Variants in TOX2 observed in about 807,000 individuals in gnomAD.
TOX2 encodes the protein TOX high mobility group box family member 2, also known as granulosa cell HMG box 1.
TOX2 carries 15 observed loss-of-function variants against 47.4 expected under a neutral mutation model. The ratio of observed to expected loss-of-function variants is 0.32; its 90% CI spans 0.21 to 0.49. The LOEUF is 0.49. Among genes scored for constraint, TOX2 ranks in the 20% least tolerant of loss-of-function variants. The pLI is 0.99. For missense variants in TOX2, 622 were observed against 673.1 expected (o/e 0.92, Z 0.84); for synonymous variants, 290 against 296.6 (o/e 0.98, Z 0.23).
chr20:43,958,467 A>G (rs1343071987), intron 1 of TOX2, among the ~76,000 whole-genome samples: 1 of 152,156 alleles, frequency 6.6e-6, no homozygotes, highest in Non-Finnish European at 1.5e-5. Context: ...CTCTGGACCC[A>G]CTACCTCACA....
intron 3 of TOX2, among the ~76,000 whole-genome samples, chr20:44,023,256 C>T (rs750969595): frequency 2.0e-5 from 3 of 151,916 alleles, no homozygotes; most frequent in Non-Finnish European, 4.4e-5. Flanking sequence ...TGGTGAAACC[C>T]TGCCTCTACT....
intron 1 of TOX2, chr20:43,945,814 T>G (rs2069459398): frequency 8.0e-6 from 12 of 1,498,222 alleles, no homozygotes; most frequent in East Asian, 4.6e-5. Context: ...GGATGGGGGG[T>G]GGGGGTGCTG....
At chr20:43,949,090 T>C (rs2145376454) in intron 1 of TOX2, among the ~76,000 whole-genome samples, 1 of 152,282 alleles carries the variant, frequency 6.6e-6, no homozygotes, top group African/African-American at 2.4e-5. Flanking sequence ...TTACTCTCAA[T>C]GGCCCTTTTC....
intron 3 of TOX2, among the ~76,000 whole-genome samples, chr20:44,021,332 G>A (rs1346580973): frequency 2.0e-5 from 3 of 152,124 alleles, no homozygotes; most frequent in Non-Finnish European, 2.9e-5. Flanking sequence ...CAACTGGCCC[G>A]GGAGAACTGG....
In TOX2 at chr20:44,068,554, A is replaced by AGGGGTG; in HGVS notation, c.1485-86_1485-81dup. On this transcript the variant is annotated intron_variant, in intron 8 of 8. Coordinates refer to ENST00000341197, the MANE Select transcript of TOX2 (RefSeq NM_001098797.2). ...CAGCCACAGAGGGGCAGCTGAATCCAGGGGTGGGGGTGGGGCGTACAGTGC... is the reference window on the plus strand; with the variant it reads ...CAGCCACAGAGGGGCAGCTGAATCCAGGGGTGGGGGTGGGGGTGGGGCGTACAGTGC... 2.6e-6 allele frequency: 3 copies of AGGGGTG among 1,156,610 alleles called. No homozygotes were observed. In the South Asian group the frequency reaches 4.4e-5, roughly 17 times the overall value. The allele number at this position is 1,156,610 out of a possible 1,614,324, so 71.6% of individuals were successfully genotyped here.
intron 3 of TOX2, among the ~76,000 whole-genome samples, chr20:44,048,306 A>G (rs1388031296): frequency 6.6e-6 from 1 of 150,612 alleles, no homozygotes; most frequent in Non-Finnish European, 1.5e-5. Flanking sequence ...TTGAATGGGA[A>G]CTGATGAAAA....
Position 44,053,463 on chromosome 20 carries a change from CACACACACATATATATAT to C in TOX2, c.652-828_652-811del, listed in dbSNP as rs1452694662. Among the ~76,000 whole-genome samples, 243 of 147,868 alleles carry C rather than the reference CACACACACATATATATAT, an allele frequency of 1.6e-3. 3 individuals are homozygous for C. The highest frequency in any genetic ancestry group is 5.8e-3 in the African/African-American group (225 of 38,666). On this transcript the variant is annotated intron_variant, in intron 4 of 8. Transcript: ENST00000341197. ...ATACACACACACACACACACACACA[CACACACACATATATATAT>C]ACACACATATATATACAGACATATA...
chr20:43,988,218 G>A (rs1240562278), intron 2 of TOX2, among the ~76,000 whole-genome samples: 5 of 151,990 alleles, frequency 3.3e-5, no homozygotes, highest in African/African-American at 4.8e-5. Context: ...GCACCTGGCC[G>A]AAACATCAAC....
At chr20:43,964,103 A>T (rs895435041) in intron 1 of TOX2, among the ~76,000 whole-genome samples, 6 of 152,096 alleles carry the variant, frequency 3.9e-5, no homozygotes, top group Admixed American at 2.6e-4. Flanking sequence ...GTTTAAAAAA[A>T]AAAAAAACCA....
In TOX2 at chr20:44,054,499, G is replaced by A; in HGVS notation, c.852G>A (p.Trp284Ter). 1 of 1,614,016 alleles carries A rather than the reference G, an allele frequency of 6.2e-7. No homozygotes were observed. Among genetic ancestry groups the A allele is most frequent in the Non-Finnish European group, 8.5e-7 (1 of 1,179,984 alleles). The change falls in exon 5 of 9, where the codon TGG becomes TGA. Residue 284 changes from tryptophan to a stop codon, truncating the protein, a stop_gained. Transcript: ENST00000341197. LOFTEE classifies it high-confidence loss of function. ...GDVSKIVASMWDSLGEEQKQA... is the reference protein window; with the variant it reads ...GDVSKIVASM ...TGTCCAAAATCGTGGCCTCCATGTGGGACAGCCTGGGAGAGGAACAGAAGC... is the reference window on the plus strand; with the variant it reads ...TGTCCAAAATCGTGGCCTCCATGTGAGACAGCCTGGGAGAGGAACAGAAGC...
intron 8 of TOX2, among the ~76,000 whole-genome samples, chr20:44,067,192 C>T (rs1245686566): frequency 4.0e-5 from 6 of 151,804 alleles, no homozygotes; most frequent in African/African-American, 1.5e-4. Context: ...GAGCCTGAGG[C>T]AGCAGGGATT....
chr20:43,961,604 A>T (rs1349940499), intron 1 of TOX2, among the ~76,000 whole-genome samples: 1 of 146,784 alleles, frequency 6.8e-6, no homozygotes, highest in African/African-American at 2.5e-5. Context: ...GGAGGCCTCC[A>T]GCTGCACTGT....
chr20:43,952,853 A>AG (rs529520692), intron 1 of TOX2, among the ~76,000 whole-genome samples: 48 of 152,290 alleles, frequency 3.2e-4, no homozygotes, highest in Middle Eastern at 6.8e-3. Context: ...AAGTATAGCT[A>AG]GGTCCTAATC....
chr20:44,036,071 C>G (rs2071233883), intron 3 of TOX2, among the ~76,000 whole-genome samples: 1 of 152,216 alleles, frequency 6.6e-6, no homozygotes, highest in Non-Finnish European at 1.5e-5. Flanking sequence ...GAAGCAGCTC[C>G]ATCAGCCACA....
chr20:43,920,835 G>T (rs2069105462), intron 1 of TOX2, among the ~76,000 whole-genome samples: 2 of 152,184 alleles, frequency 1.3e-5, no homozygotes, highest in African/African-American at 2.4e-5. Context: ...ACTGTGGAGG[G>T]TGCACTGGGA....
chr20:44,020,503 T>G (rs2145647963), intron 3 of TOX2, among the ~76,000 whole-genome samples: 1 of 152,330 alleles, frequency 6.6e-6, no homozygotes, highest in South Asian at 2.1e-4. Context: ...TGGCCCCTCT[T>G]GGCCAAGGGC....
chr20:43,968,331 C>T (rs914452094), intron 1 of TOX2, among the ~76,000 whole-genome samples: 2 of 152,216 alleles, frequency 1.3e-5, no homozygotes, highest in Admixed American at 6.5e-5. Context: ...AGCAGTTAAG[C>T]AATTTGCCCA....
In TOX2 at chr20:43,915,604, AGTCACACGCG is replaced by A. The variant is rs548523248; in HGVS notation, c.99+622_99+631del. On this transcript the variant is annotated intron_variant, in intron 1 of 8. Coordinates refer to ENST00000341197, the MANE Select transcript of TOX2 (RefSeq NM_001098797.2). This position sits in a 1 kb window ranked among gnomAD's most constrained non-coding sequence, Gnocchi z 7.1. ...ACACAGATCGTCCTGACGGCCACAC[AGTCACACGCG>A]GTCACACCCAGGGACGGCCACACCT... 6.6e-6 allele frequency among the ~76,000 whole-genome samples: 1 copy of A among 152,310 alleles called. No individual in the cohort carries two copies. Among genetic ancestry groups the A allele is most frequent in the African/African-American group, 2.4e-5 (1 of 41,560 alleles).
chr20:44,060,701 T>C lies in TOX2; in HGVS notation c.880-4076T>C, dbSNP rs558572311. Reference sequence around the variant, plus strand: ...AATCAAGATGGATATTATAAAATTATTTGAACTGAACGATAATAGTGACAT... The same window carrying C: ...AATCAAGATGGATATTATAAAATTACTTGAACTGAACGATAATAGTGACAT... On this transcript the variant is annotated intron_variant, in intron 5 of 8. Transcript: ENST00000341197. Among the ~76,000 whole-genome samples, 5 of 152,284 alleles carry C rather than the reference T, an allele frequency of 3.3e-5. No individual in the cohort carries two copies. The South Asian group carries it at 1.0e-3, about 32-fold the overall frequency.
Sources: allele counts gnomAD v4.1 joint callset (sites outside exome capture counted in the v4.1 genomes callset), GRCh38; gene constraint gnomAD v4.1.1; non-coding constraint Gnocchi (gnomAD v3.1); transcripts MANE v1.5; gene names NCBI Gene and HGNC (gene_info 2026-07-23, HGNC 2026-07-21).